SPON1: variants seen among roughly 807,000 people sequenced by gnomAD.
SPON1 encodes the protein spondin 1.
In SPON1, 52 loss-of-function variants were observed where a neutral mutation model predicts 111.7. That is an observed-to-expected ratio of 0.47 (90% confidence interval 0.37 to 0.59). SPON1 has a LOEUF of 0.59. Ranked by LOEUF, SPON1 falls within the 20% of genes least tolerant of loss-of-function variation. The pLI, the probability that SPON1 is intolerant of heterozygous loss-of-function variation, is 0.00. For missense variants in SPON1, 957 were observed against 1,068.5 expected (o/e 0.90, Z 1.46); for synonymous variants, 410 against 395.8 (o/e 1.04, Z -0.43).
chr11:14,133,089 TG>T (rs1389918488), intron 5 of SPON1, among the ~76,000 whole-genome samples: 3 of 152,190 alleles, frequency 2.0e-5, no homozygotes, highest in African/African-American at 4.8e-5. Context: ...TCTTTTTTGT[TG>T]TTGCTTTTTG....
At chr11:14,260,795 T>G (rs1169620864) in intron 14 of SPON1, 43 bp downstream of exon 14, 5 of 1,591,298 alleles carry the variant, frequency 3.1e-6, no homozygotes, top group Non-Finnish European at 4.3e-6. Context: ...TCTATGTTCC[T>G]GAGTCCAGGG....
At chr11:14,094,211 C>CA (rs1183210350) in intron 5 of SPON1, among the ~76,000 whole-genome samples, 11,814 of 101,508 alleles carry the variant, frequency 0.12, 565 homozygotes, top group Middle Eastern at 0.26. Context: ...GACTCTGTCT[C>CA]AAAAAAAAAA....
chr11:14,149,442 GT>G (rs1197605888), intron 6 of SPON1, among the ~76,000 whole-genome samples: 1 of 152,068 alleles, frequency 6.6e-6, no homozygotes, highest in Non-Finnish European at 1.5e-5. Context: ...GTAAAAAAAA[GT>G]GTATAAAGTA....
chr11:14,033,968 C>T (rs142996939), intron 2 of SPON1, among the ~76,000 whole-genome samples: 8 of 152,202 alleles, frequency 5.3e-5, no homozygotes, highest in African/African-American at 1.7e-4. Context: ...TTTATTTAAA[C>T]CTATATATAA....
At chr11:14,052,893 G>T (rs1219871804) in intron 3 of SPON1, among the ~76,000 whole-genome samples, 1 of 152,184 alleles carries the variant, frequency 6.6e-6, no homozygotes, top group African/African-American at 2.4e-5. Context: ...GTAAACTGAA[G>T]CTTGGTGGGA....
chr11:14,135,324 G>T lies in SPON1; in HGVS notation c.677-96G>T. 1 of 1,390,866 alleles carries T rather than the reference G, an allele frequency of 7.2e-7. No individual in the cohort carries two copies. Among genetic ancestry groups the T allele is most frequent in the South Asian group, 1.3e-5 (1 of 75,412 alleles). 86.2% of individuals were successfully genotyped at this position (1,390,866 alleles called of 1,614,324 possible). A position where few individuals can be genotyped will look rare whatever the true frequency, so the allele number is the denominator to read the frequency against. ...AATAGGTGCTTAGTCAGTGCTCTTT[G>T]AATCGATGTCCAATTACGCATCCTC... On this transcript the variant is annotated intron_variant, in intron 5 of 15. Transcript: ENST00000576479. The surrounding 1 kb of genome is among the most constrained non-coding windows in gnomAD (Gnocchi z 4.4).
intron 1 of SPON1, 27 bp from the exon 2 acceptor site, chr11:13,982,820 A>G (rs1156949218): frequency 6.8e-7 from 1 of 1,469,262 alleles, no homozygotes; most frequent in Non-Finnish European, 9.3e-7. Context: ...TCTTATACTT[A>G]AAACCTGCTT....
chr11:13,991,759 T>G (rs1848232197), intron 2 of SPON1, among the ~76,000 whole-genome samples: 1 of 152,240 alleles, frequency 6.6e-6, no homozygotes, highest in South Asian at 2.1e-4. Context: ...TGATGGGGTC[T>G]TTGAGTGGAC....
chr11:14,031,482 A>G (rs1848558801), intron 2 of SPON1, among the ~76,000 whole-genome samples: 1 of 152,182 alleles, frequency 6.6e-6, no homozygotes, highest in African/African-American at 2.4e-5. Flanking sequence ...CAGCCATTCA[A>G]ATTATGTTTC....
intron 6 of SPON1, among the ~76,000 whole-genome samples, chr11:14,242,384 C>T (rs1040784486): frequency 1.2e-4 from 18 of 152,166 alleles, no homozygotes; most frequent in Admixed American, 7.9e-4. Flanking sequence ...CCCTTCCTTC[C>T]CCAGCTGGTG....
intron 2 of SPON1, among the ~76,000 whole-genome samples, chr11:14,027,480 AG>A (rs1848527414): frequency 6.6e-6 from 1 of 152,222 alleles, no homozygotes; most frequent in African/African-American, 2.4e-5. Context: ...ACTTTAAATG[AG>A]CTGACATAGT....
In SPON1 at chr11:14,262,991, G is replaced by A. The variant is rs371587425; in HGVS notation, c.2260+16G>A. On this transcript the variant is annotated intron_variant, in intron 15 of 15. Coordinates refer to ENST00000576479, the MANE Select transcript of SPON1 (RefSeq NM_006108.4). ...CAGTTCCCAGGTATGGCTCCCAAGT[G>A]TCAGCCTGGGTGGTCTCCAGGACAG... 1.4e-5 allele frequency: 23 copies of A among 1,609,286 alleles called. No individual in the cohort carries two copies. Among genetic ancestry groups the A allele is most frequent in the South Asian group, 4.4e-5 (4 of 90,896 alleles).
At chr11:14,252,372 G>A (rs1849062068) in intron 7 of SPON1, among the ~76,000 whole-genome samples, 1 of 149,028 alleles carries the variant, frequency 6.7e-6, no homozygotes, top group Non-Finnish European at 1.5e-5. Context: ...CAAGACCTGC[G>A]CAGAGTGTGG....
chr11:14,048,304 G>A (rs1848684578), intron 3 of SPON1, among the ~76,000 whole-genome samples: 1 of 152,208 alleles, frequency 6.6e-6, no homozygotes, highest in Non-Finnish European at 1.5e-5. Context: ...CAGATAAAGA[G>A]GGGGATACCA....
intron 2 of SPON1, among the ~76,000 whole-genome samples, chr11:14,029,704 G>A (rs1035500103): frequency 6.6e-6 from 1 of 152,086 alleles, no homozygotes; most frequent in African/African-American, 2.4e-5. Context: ...GTCAGGAAAG[G>A]GTGGCTTCAT....
intron 2 of SPON1, among the ~76,000 whole-genome samples, chr11:14,024,759 C>T (rs1848505896): frequency 6.6e-6 from 1 of 152,292 alleles, no homozygotes; most frequent in African/African-American, 2.4e-5. Flanking sequence ...AGGGTGGAGC[C>T]CCTGCCAGGG....
At chr11:13,965,448 G>T (rs12575634) in intron 1 of SPON1, among the ~76,000 whole-genome samples, 37,607 of 152,028 alleles carry the variant, frequency 0.25, 4,814 homozygotes, top group South Asian at 0.36. Context: ...AGATACAGCT[G>T]GTATTCACGG....
At chr11:13,995,548 C>A (rs1848265336) in intron 2 of SPON1, among the ~76,000 whole-genome samples, 1 of 152,158 alleles carries the variant, frequency 6.6e-6, no homozygotes, top group African/African-American at 2.4e-5. Context: ...ATCACGAGAA[C>A]AGCATGGAGA....
chr11:14,168,425 G>A (rs1451898572), intron 6 of SPON1, among the ~76,000 whole-genome samples: 1 of 152,080 alleles, frequency 6.6e-6, no homozygotes, highest in Non-Finnish European at 1.5e-5. Context: ...ATTAATCAGA[G>A]CTCTTTTATA....
Sources: gnomAD v4.1 joint callset for allele counts (sites outside exome capture counted in the v4.1 genomes callset) on GRCh38, gnomAD v4.1.1 for gene constraint, Gnocchi (gnomAD v3.1) non-coding constraint, MANE v1.5 for transcripts, NCBI Gene and HGNC (gene_info 2026-07-23, HGNC 2026-07-21) for gene names.